KDM2A: variants seen among roughly 807,000 people sequenced by gnomAD.
KDM2A encodes lysine-specific demethylase 2A.
A neutral mutation model predicts 137.3 loss-of-function variants in KDM2A; 3 were observed. That is an observed-to-expected ratio of 0.02 (90% CI 0.01 to 0.06). KDM2A has a LOEUF of 0.06. KDM2A is among the 10% of genes least tolerant of loss of function. The pLI is 1.00. For missense variants in KDM2A, 738 were observed against 1,510.6 expected (o/e 0.49, Z 8.48); for synonymous variants, 512 against 541.5 (o/e 0.95, Z 0.76).
Position 67,215,916 on chromosome 11 carries a change from C to G in KDM2A, c.654C>G (p.Thr218=), listed in dbSNP as rs757313193. 6.2e-7 allele frequency: 1 copy of G among 1,613,764 alleles called. No individual in the cohort carries two copies. The highest frequency in any genetic ancestry group is 1.1e-5 in the South Asian group (1 of 91,066). ...ACTTCCATGTGGACTTTGGTGGTAC[C>G]TCTGTTTGGTATCACATCCATCAAG... ...YTDFHVDFGG[T]SVWYHIHQGG... Residue 218 remains threonine (T), a synonymous_variant, in exon 8 of 21, where the codon ACC becomes ACG. Coordinates refer to ENST00000529006, the MANE Select transcript of KDM2A (RefSeq NM_012308.3).
At chr11:67,184,115 A>T (rs1484890623) in intron 5 of KDM2A, among the ~76,000 whole-genome samples, 2 of 149,438 alleles carry the variant, frequency 1.3e-5, no homozygotes, top group African/African-American at 2.5e-5. Flanking sequence ...AAAAAAAAAA[A>T]GGCAGGTGGG....
intron 8 of KDM2A, chr11:67,217,414 A>G (rs1009872496): frequency 6.0e-5 from 20 of 330,918 alleles, no homozygotes; most frequent in African/African-American, 4.3e-4. Context: ...TGTACTACTT[A>G]GGACTCTGGA....
intron 2 of KDM2A, among the ~76,000 whole-genome samples, chr11:67,171,255 A>G (rs1287634268): frequency 1.3e-5 from 2 of 152,170 alleles, no homozygotes; most frequent in African/African-American, 4.8e-5. Flanking sequence ...CAACCCCACC[A>G]TCAGGTCTCC....
intron 2 of KDM2A, among the ~76,000 whole-genome samples, chr11:67,151,421 C>T (rs908149803): frequency 6.6e-6 from 1 of 151,906 alleles, no homozygotes; most frequent in South Asian, 2.1e-4. Context: ...ACTCTTGTTG[C>T]CCAGGCTGGA....
intron 7 of KDM2A, chr11:67,215,655 C>G: frequency 1.6e-6 from 1 of 618,126 alleles, no homozygotes; most frequent in Non-Finnish European, 2.8e-6. Flanking sequence ...AAAAAACTTA[C>G]ATTTTAGTCA....
chr11:67,198,449 G>A (rs534761938), intron 5 of KDM2A, among the ~76,000 whole-genome samples: 3 of 151,990 alleles, frequency 2.0e-5, no homozygotes, highest in East Asian at 3.9e-4. Flanking sequence ...TATGCCGGGC[G>A]CAATGGCTCA....
intron 6 of KDM2A, among the ~76,000 whole-genome samples, chr11:67,212,431 C>G (rs1328948991): frequency 6.6e-6 from 1 of 152,084 alleles, no homozygotes; most frequent in Non-Finnish European, 1.5e-5. Context: ...CCAGCAATAA[C>G]TGAGAGGTAG....
At position 67,129,268 on chromosome 11, in the gene KDM2A, A is replaced by C. The variant is rs536912691; in HGVS notation, c.42+7910A>C. Among the ~76,000 whole-genome samples the C allele has an allele frequency of 7.2e-5, 11 of 152,346 alleles. No homozygotes were observed. The South Asian group carries it at 2.3e-3, about 32-fold the overall frequency. ...GTTTGGTATTTGGACCATTTAGAAC[A>C]AATAATAAAGTGTCTAGTTGATTTT... On this transcript the variant is annotated intron_variant, in intron 2 of 20. Transcript: ENST00000529006.
intron 2 of KDM2A, among the ~76,000 whole-genome samples, chr11:67,168,638 C>T (rs983031076): frequency 2.2e-5 from 3 of 139,366 alleles, no homozygotes; most frequent in South Asian, 2.2e-4. Flanking sequence ...CACACACACA[C>T]ACACACACAC....
chr11:67,175,769 G>A (rs1266201382), intron 2 of KDM2A, among the ~76,000 whole-genome samples: 2 of 152,048 alleles, frequency 1.3e-5, no homozygotes, highest in African/African-American at 2.4e-5. Flanking sequence ...AAAACATGAG[G>A]GATTTTTAAA....
intron 9 of KDM2A, 123 bp downstream of exon 9, chr11:67,218,007 C>T (rs1435432112): frequency 2.3e-6 from 2 of 865,006 alleles, no homozygotes; most frequent in Admixed American, 3.0e-5. Context: ...AGTGTTTCTT[C>T]CTGTCATTAT....
At chr11:67,247,071 A>ATTTTTTTTTTT (rs1156333048) in intron 15 of KDM2A, among the ~76,000 whole-genome samples, 1 of 16,790 alleles carries the variant, frequency 6.0e-5, no homozygotes, top group African/African-American at 2.0e-4. Context: ...ATATATATAT[A>ATTTTTTTTTTT]TTTTTTTTTT....
intron 8 of KDM2A, among the ~76,000 whole-genome samples, chr11:67,216,810 C>T (rs1239749561): frequency 6.6e-6 from 1 of 152,120 alleles, no homozygotes; most frequent in Non-Finnish European, 1.5e-5. Context: ...ATCCCAGCTA[C>T]TCGGGAGGCT....
At chr11:67,218,173 C>A (rs11227740) in intron 9 of KDM2A, among the ~76,000 whole-genome samples, 4,831 of 152,274 alleles carry the variant, frequency 0.032, 122 homozygotes, top group African/African-American at 0.07. Context: ...TAGATAGGAC[C>A]TGTTCTGCAG....
At chr11:67,203,428 TAATA>T (rs1219965475) in intron 5 of KDM2A, among the ~76,000 whole-genome samples, 5 of 39,592 alleles carry the variant, frequency 1.3e-4, no homozygotes, top group Non-Finnish European at 5.5e-4. Flanking sequence ...AAATAGTCTA[TAATA>T]AATAATATAT....
At chr11:67,239,586 C>G (rs533773904) in intron 12 of KDM2A, among the ~76,000 whole-genome samples, 1 of 152,322 alleles carries the variant, frequency 6.6e-6, no homozygotes, top group South Asian at 2.1e-4. Context: ...GCTCCTGTGC[C>G]TAGTTCATCC....
At chr11:67,223,091 C>A (rs1176472923) in intron 10 of KDM2A, among the ~76,000 whole-genome samples, 1 of 151,202 alleles carries the variant, frequency 6.6e-6, no homozygotes, top group African/African-American at 2.4e-5. Flanking sequence ...ACTCAGGAGG[C>A]TGAGGCAGGA....
chr11:67,228,366 T>A (rs996786997), intron 11 of KDM2A, among the ~76,000 whole-genome samples: 13 of 152,186 alleles, frequency 8.5e-5, no homozygotes, highest in African/African-American at 2.9e-4. Context: ...GGATCTGATC[T>A]TTGTCTGAGT....
intron 13 of KDM2A, among the ~76,000 whole-genome samples, chr11:67,244,829 CAAAAAAATTAGCTGGGCATGGTGGTGGG>C (rs1305182728): frequency 6.6e-6 from 1 of 151,718 alleles, no homozygotes. Flanking sequence ...ACAAAAAATA[CAAAAAAATTAGCTGGGCATGGTGGTGGG>C]CACCTGTAGT....
Sources: allele counts gnomAD v4.1 joint callset (sites outside exome capture counted in the v4.1 genomes callset), GRCh38; gene constraint gnomAD v4.1.1; transcripts MANE v1.5; gene names NCBI Gene and HGNC (gene_info 2026-07-23, HGNC 2026-07-21).